The following FAM53B variants were observed in gnomAD, a reference collection of about 807,000 sequenced individuals.
FAM53B encodes protein FAM53B.
Under a neutral mutation model 32.7 loss-of-function variants are expected in FAM53B, and 12 were observed. The observed-to-expected ratio is 0.37, with a 90% CI of 0.24 to 0.59. The LOEUF is 0.59. Ranked by LOEUF, FAM53B falls within the 20% of genes least tolerant of loss-of-function variation. The pLI is 0.72. For missense variants in FAM53B, 477 were observed against 577.7 expected, an observed-to-expected ratio of 0.83 and a Z score of 1.79; for synonymous variants, 234 against 228.7, an observed-to-expected ratio of 1.02 and a Z score of -0.21.
At chr10:124,730,798 T>G (rs535221143) in intron 1 of FAM53B, among the ~76,000 whole-genome samples, 1 of 152,184 alleles carries the variant, frequency 6.6e-6, no homozygotes, top group Non-Finnish European at 1.5e-5. Context: ...GCTAACATAC[T>G]GAACAGCCCA....
chr10:124,695,715 G>A (rs896425423), intron 3 of FAM53B, among the ~76,000 whole-genome samples: 2 of 136,594 alleles, frequency 1.5e-5, no homozygotes, highest in Non-Finnish European at 2.9e-5. Context: ...GAAGATGATG[G>A]TAACTACTCC....
intron 4 of FAM53B, among the ~76,000 whole-genome samples, chr10:124,636,613 C>T (rs892953810): frequency 1.2e-4 from 17 of 145,236 alleles, no homozygotes; most frequent in Non-Finnish European, 2.0e-4. Flanking sequence ...TTGCTTTGCA[C>T]CTGCAGCCTT....
intron 4 of FAM53B, among the ~76,000 whole-genome samples, chr10:124,641,777 G>C (rs1949475870): frequency 6.6e-6 from 1 of 152,180 alleles, no homozygotes; most frequent in South Asian, 2.1e-4. Flanking sequence ...GTGTCAACAG[G>C]TGGGTCTTAT....
chr10:124,671,359 C>T (rs1949706439), intron 4 of FAM53B, among the ~76,000 whole-genome samples: 1 of 152,240 alleles, frequency 6.6e-6, no homozygotes, highest in Non-Finnish European at 1.5e-5. Context: ...CCCTGGGGTC[C>T]CCTAGCCCAA....
chr10:124,718,766 C>A (rs1369633960), intron 1 of FAM53B, among the ~76,000 whole-genome samples: 1 of 152,238 alleles, frequency 6.6e-6, no homozygotes. Context: ...AGGGCTTCAC[C>A]GCCAGGCGCA....
intron 4 of FAM53B, among the ~76,000 whole-genome samples, chr10:124,627,193 G>T (rs905215531): frequency 6.6e-6 from 1 of 152,144 alleles, no homozygotes; most frequent in African/African-American, 2.4e-5. Context: ...ACAATGGGGC[G>T]GTGTGTGTTC....
Position 124,700,790 on chromosome 10 carries a change from A to C in FAM53B, c.79-4578T>G, listed in dbSNP as rs578170882. ...CTGCACATTATCCACTAAAGAAATC[A>C]AATCACCTTTTCCATCTCCTGACAC... On this transcript the variant is annotated intron_variant, in intron 2 of 4. Coordinates refer to ENST00000337318, the MANE Select transcript of FAM53B (RefSeq NM_014661.4). 7.4e-4 allele frequency among the ~76,000 whole-genome samples: 113 copies of C among 152,356 alleles called. 3 individuals are homozygous for C. The South Asian group carries it at 0.023, about 30-fold the overall frequency.
At chr10:124,720,140 G>A (rs1032335034) in intron 1 of FAM53B, among the ~76,000 whole-genome samples, 5 of 150,780 alleles carry the variant, frequency 3.3e-5, no homozygotes, top group East Asian at 3.9e-4. Flanking sequence ...TCCAGCCTGG[G>A]TGACAAAAGA....
intron 4 of FAM53B, among the ~76,000 whole-genome samples, chr10:124,633,988 G>A (rs181028967): frequency 3.3e-5 from 5 of 152,334 alleles, no homozygotes; most frequent in African/African-American, 7.2e-5. Context: ...TGGTACAGTC[G>A]TTGCGGAGAA....
At chr10:124,703,435 T>C (rs193152618) in intron 2 of FAM53B, among the ~76,000 whole-genome samples, 91 of 152,368 alleles carry the variant, frequency 6.0e-4, no homozygotes, top group African/African-American at 2.1e-3. Flanking sequence ...GTATTCCTCA[T>C]AGCAACATGA....
At chr10:124,693,784 G>A (rs11245331) in intron 3 of FAM53B, among the ~76,000 whole-genome samples, 20,364 of 152,144 alleles carry the variant, frequency 0.13, 1,565 homozygotes, top group African/African-American at 0.19. Flanking sequence ...CACATCTCAC[G>A]GGAGTTGGCC....
Position 124,714,428 on chromosome 10 carries a change from C to T in FAM53B, c.-174-7541G>A, listed in dbSNP as rs150579258. Among the ~76,000 whole-genome samples the T allele has an allele frequency of 3.3e-3, 508 of 152,206 alleles. 1 individual carries two copies. Among genetic ancestry groups the T allele is most frequent in the African/African-American group, 0.012 (493 of 41,530 alleles). On this transcript the variant is annotated intron_variant, in intron 1 of 4. Transcript: ENST00000337318. ...TCCTGCTGAGAAACAACTAACAATC[C>T]TGCCAGCACCACCCTCAACACACAG...
At chr10:124,704,718 T>G (rs1001174781) in intron 2 of FAM53B, among the ~76,000 whole-genome samples, 1 of 152,096 alleles carries the variant, frequency 6.6e-6, no homozygotes, top group African/African-American at 2.4e-5. Context: ...TACATCCTAG[T>G]AAGGGCTGGG....
At chr10:124,730,145 A>G (rs1950131775) in intron 1 of FAM53B, among the ~76,000 whole-genome samples, 1 of 152,384 alleles carries the variant, frequency 6.6e-6, no homozygotes, top group East Asian at 1.9e-4. Flanking sequence ...TCTGATGCCC[A>G]TGGAAAACAT....
At chr10:124,698,287 AG>A (rs1002070237) in intron 2 of FAM53B, among the ~76,000 whole-genome samples, 4 of 152,166 alleles carry the variant, frequency 2.6e-5, no homozygotes, top group African/African-American at 9.7e-5. Flanking sequence ...AGAATTGAAC[AG>A]GAACACTGAA....
At chr10:124,639,100 C>T (rs1165332283) in intron 4 of FAM53B, among the ~76,000 whole-genome samples, 2 of 152,188 alleles carry the variant, frequency 1.3e-5, no homozygotes, top group African/African-American at 4.8e-5. Flanking sequence ...GGCTCAGCCT[C>T]TTGCCCATAT....
intron 1 of FAM53B, among the ~76,000 whole-genome samples, chr10:124,736,532 C>A (rs577172436): frequency 1.3e-5 from 2 of 152,400 alleles, no homozygotes; most frequent in Admixed American, 1.3e-4. Flanking sequence ...TCCCAGCCAG[C>A]GGACAGAACC....
intron 4 of FAM53B, among the ~76,000 whole-genome samples, chr10:124,647,161 C>G (rs772868701): frequency 4.6e-5 from 7 of 152,180 alleles, no homozygotes; most frequent in Non-Finnish European, 8.8e-5. Flanking sequence ...GCTGGGCACT[C>G]TGCCAAGCAC....
intron 4 of FAM53B, among the ~76,000 whole-genome samples, chr10:124,676,149 G>A (rs949657170): frequency 1.3e-5 from 2 of 152,220 alleles, no homozygotes; most frequent in Non-Finnish European, 2.9e-5. Flanking sequence ...CTCTAAGTCA[G>A]AAGCAACTAC....
Sources: allele counts gnomAD v4.1 joint callset (sites outside exome capture counted in the v4.1 genomes callset), GRCh38; gene constraint gnomAD v4.1.1; transcripts MANE v1.5; gene names NCBI Gene and HGNC (gene_info 2026-07-23, HGNC 2026-07-21).